The following TANC2 variants were observed in gnomAD, a reference collection of about 807,000 sequenced individuals.
TANC2 encodes the protein protein TANC2.
TANC2 carries 26 observed loss-of-function variants against 210.5 expected under a neutral mutation model. The ratio of observed to expected loss-of-function variants is 0.12; its 90% CI spans 0.09 to 0.17. The LOEUF (loss-of-function observed/expected upper bound fraction) is 0.17. TANC2 is among the 10% of genes least tolerant of loss of function. The probability of loss-of-function intolerance (pLI) is 1.00; values close to 1 mark genes in which losing one functional copy is unlikely to be tolerated. For synonymous variants in TANC2, 931 were observed against 967.1 expected, an observed-to-expected ratio of 0.96 and a Z score of 0.69; for missense variants, 2,129 against 2,608.9, an observed-to-expected ratio of 0.82 and a Z score of 4.01.
At chr17:63,110,301 A>G (rs1445888160) in intron 4 of TANC2, among the ~76,000 whole-genome samples, 2 of 151,584 alleles carry the variant, frequency 1.3e-5, no homozygotes, top group African/African-American at 4.9e-5. Flanking sequence ...GATTTTGATT[A>G]TGTGTATTTT....
intron 10 of TANC2, among the ~76,000 whole-genome samples, chr17:63,318,154 T>G (rs772188576): frequency 1.3e-5 from 2 of 152,322 alleles, no homozygotes; most frequent in East Asian, 3.9e-4. Context: ...TTTTTCCTAT[T>G]CTTCCTTCTT....
At chr17:63,023,925 A>T (rs948335542) in intron 2 of TANC2, among the ~76,000 whole-genome samples, 7 of 152,222 alleles carry the variant, frequency 4.6e-5, no homozygotes, top group Non-Finnish European at 1.0e-4. Context: ...GCAATTCTGT[A>T]ATAGTGCTTC....
intron 2 of TANC2, among the ~76,000 whole-genome samples, chr17:63,013,165 C>T (rs76703981): frequency 0.014 from 2,058 of 151,750 alleles, 24 homozygotes; most frequent in Non-Finnish European, 0.02. Flanking sequence ...TTTAGACTCC[C>T]GGACTCAGGT....
intron 7 of TANC2, among the ~76,000 whole-genome samples, chr17:63,201,490 T>C (rs997216785): frequency 6.6e-6 from 1 of 152,198 alleles, no homozygotes. Context: ...ATGGTATTTC[T>C]TTGCTTATGA....
At chr17:63,036,928 C>G (rs1357397520) in intron 2 of TANC2, among the ~76,000 whole-genome samples, 1 of 150,488 alleles carries the variant, frequency 6.6e-6, no homozygotes, top group Non-Finnish European at 1.5e-5. Context: ...CCAGTAGATT[C>G]CTGAAACTAT....
chr17:62,981,019 CTGTATACT>C (rs2032270531), intron 1 of TANC2, among the ~76,000 whole-genome samples: 1 of 152,126 alleles, frequency 6.6e-6, no homozygotes, highest in African/African-American at 2.4e-5. Flanking sequence ...TGTTTTATAC[CTGTATACT>C]TGTAGGTGAA....
At chr17:63,271,289 T>C (rs1322340054) in intron 9 of TANC2, among the ~76,000 whole-genome samples, 1 of 152,098 alleles carries the variant, frequency 6.6e-6, no homozygotes, top group African/African-American at 2.4e-5. Context: ...ACCAACTGTG[T>C]ATAAGTGTTC....
At chr17:63,315,670 G>A (rs1291380350) in intron 10 of TANC2, among the ~76,000 whole-genome samples, 1 of 152,178 alleles carries the variant, frequency 6.6e-6, no homozygotes, top group African/African-American at 2.4e-5. Context: ...ACTAGAAATG[G>A]TTTGTGTGAG....
intron 4 of TANC2, among the ~76,000 whole-genome samples, chr17:63,106,551 G>A (rs930103580): frequency 1.3e-5 from 2 of 151,580 alleles, no homozygotes; most frequent in Non-Finnish European, 2.9e-5. Flanking sequence ...GAGTTAGCAG[G>A]ATTCTTGCTA....
intron 8 of TANC2, among the ~76,000 whole-genome samples, chr17:63,248,118 C>T (rs935192103): frequency 2.0e-5 from 3 of 152,052 alleles, no homozygotes; most frequent in East Asian, 3.9e-4. Flanking sequence ...TAAATGATTA[C>T]GTATCTAAAC....
intron 5 of TANC2, among the ~76,000 whole-genome samples, chr17:63,170,060 AG>A (rs949877205): frequency 2.6e-5 from 4 of 151,084 alleles, no homozygotes; most frequent in Non-Finnish European, 5.9e-5. Flanking sequence ...CGGCACTTGC[AG>A]TGAGCGGAGA....
At chr17:63,118,143 A>G (rs1475860874) in intron 4 of TANC2, among the ~76,000 whole-genome samples, 1 of 152,190 alleles carries the variant, frequency 6.6e-6, no homozygotes, top group East Asian at 1.9e-4. Flanking sequence ...CCTTTTTTAA[A>G]AAATAACAAT....
intron 4 of TANC2, among the ~76,000 whole-genome samples, chr17:63,112,888 A>G (rs1010994062): frequency 1.3e-5 from 2 of 152,182 alleles, no homozygotes; most frequent in Non-Finnish European, 2.9e-5. Flanking sequence ...AAAATCCTTC[A>G]TTGTCCATCC....
At chr17:62,970,645 G>T (rs570863692) in intron 1 of TANC2, among the ~76,000 whole-genome samples, 1 of 152,274 alleles carries the variant, frequency 6.6e-6, no homozygotes, top group East Asian at 1.9e-4. Context: ...ATATATGGTA[G>T]AACAAGTGTG....
intron 1 of TANC2, among the ~76,000 whole-genome samples, chr17:62,968,033 GCA>G (rs2031462557): frequency 6.6e-6 from 1 of 152,054 alleles, no homozygotes; most frequent in South Asian, 2.1e-4. Context: ...AGATATATGT[GCA>G]TGTATATTAT....
chr17:62,975,791 TATG>T (rs2031969256), intron 1 of TANC2, among the ~76,000 whole-genome samples: 1 of 152,120 alleles, frequency 6.6e-6, no homozygotes, highest in Non-Finnish European at 1.5e-5. Flanking sequence ...ACAGGGTTTT[TATG>T]ATGATGAAAT....
intron 14 of TANC2, among the ~76,000 whole-genome samples, chr17:63,367,730 G>A (rs550668173): frequency 7.8e-4 from 119 of 152,274 alleles, no homozygotes; most frequent in African/African-American, 2.8e-3. Context: ...GGAGGAGTGA[G>A]AACATATGAA....
chr17:63,240,431 A>G (rs536981339), intron 8 of TANC2, among the ~76,000 whole-genome samples: 8 of 152,124 alleles, frequency 5.3e-5, no homozygotes, highest in East Asian at 1.9e-4. Context: ...ATTATATTTT[A>G]TGTGTATCCC....
At chr17:63,193,915 T>C in intron 5 of TANC2, 76 bp from the exon 6 acceptor site, 1 of 1,407,390 alleles carries the variant, frequency 7.1e-7, no homozygotes, top group Non-Finnish European at 9.4e-7. Context: ...ATGACCAAAG[T>C]GAATGTACAA....
Sources: gnomAD v4.1 joint callset for allele counts (sites outside exome capture counted in the v4.1 genomes callset) on GRCh38, gnomAD v4.1.1 for gene constraint, MANE v1.5 for transcripts, NCBI Gene and HGNC (gene_info 2026-07-23, HGNC 2026-07-21) for gene names.